NOTCH1: variants seen among roughly 807,000 people sequenced by gnomAD.
NOTCH1 encodes the protein notch receptor 1, also known as neurogenic locus notch homolog protein 1.
Under a neutral mutation model 254.8 loss-of-function variants are expected in NOTCH1, and 37 were observed. That is an observed-to-expected ratio of 0.15 (90% confidence interval 0.11 to 0.19). NOTCH1 has a LOEUF of 0.19. Among genes scored for constraint, NOTCH1 ranks in the 10% least tolerant of loss-of-function variants. NOTCH1 has a pLI of 1.00. For missense variants in NOTCH1, 2,972 were observed against 3,708.6 expected (o/e 0.80, Z 5.16); for synonymous variants, 1,731 against 1,618.1 (o/e 1.07, Z -1.68).
At chr9:136,523,681 G>A in intron 3 of NOTCH1, 36 bp downstream of exon 3, 2 of 1,576,232 alleles carry the variant, frequency 1.3e-6, no homozygotes, top group Non-Finnish European at 8.6e-7. Flanking sequence ...GCGGGCCTGG[G>A]TCTGCCCACC....
rs897844375 is a variant in NOTCH1 at position 136,515,189 on chromosome 9, C to G, written c.2014+101G>C. 8 of 1,111,646 alleles carry G rather than the reference C, an allele frequency of 7.2e-6. No individual in the cohort carries two copies. The African/African-American group carries it at 1.2e-4, about 17-fold the overall frequency. The allele number at this position is 1,111,646 out of a possible 1,614,324, so 68.9% of individuals were successfully genotyped here. A position where few individuals can be genotyped will look rare whatever the true frequency, so the allele number is the denominator to read the frequency against. ...GACCACGGTCTGCCCAGGTGGGCAG[C>G]ACCAAAGCCCTCACCCAACCCCTCA... On this transcript the variant is annotated intron_variant, in intron 12 of 33. Transcript: ENST00000651671.
Position 136,545,818 on chromosome 9 carries a change from C to A in NOTCH1, c.-32G>T. On this transcript the variant is annotated 5_prime_UTR_variant, in exon 1 of 34. Transcript: ENST00000651671. This position sits in a 1 kb window ranked among gnomAD's most constrained non-coding sequence, Gnocchi z 6.8. ...CCACCGGCTGCCCTCTGCGCCCGGG[C>A]GGCGGCCTCCTGCGCTGGCCGGCGG... 1.6e-6 allele frequency: 2 copies of A among 1,214,968 alleles called. No individual in the cohort carries two copies. Among genetic ancestry groups the A allele is most frequent in the Non-Finnish European group, 2.1e-6 (2 of 969,844 alleles). 75.3% of individuals were successfully genotyped at this position (1,214,968 alleles called of 1,614,324 possible).
intron 27 of NOTCH1, 105 bp from the exon 28 acceptor site, chr9:136,502,593 C>A: frequency 1.6e-6 from 1 of 634,406 alleles, no homozygotes. Flanking sequence ...CGGGCGCCTC[C>A]TCACCCACTC....
At position 136,495,317 on chromosome 9, in the gene NOTCH1, G is replaced by C. The variant is rs148391832; in HGVS notation, c.*754C>G. On this transcript the variant is annotated 3_prime_UTR_variant, in exon 34 of 34. Coordinates refer to ENST00000651671, the MANE Select transcript of NOTCH1 (RefSeq NM_017617.5). Reference sequence around the variant, plus strand: ...GGGACCAAGAACTTGTATAACCAACGAACAACTACATAATACTGAACCTGA... The same window carrying C: ...GGGACCAAGAACTTGTATAACCAACCAACAACTACATAATACTGAACCTGA... 7.0e-5 allele frequency: 28 copies of C among 398,870 alleles called. No homozygotes were observed. In the East Asian group the frequency reaches 7.8e-4, roughly 11 times the overall value. The allele number at this position is 398,870 out of a possible 1,614,324, so 24.7% of individuals were successfully genotyped here.
At chr9:136,524,027 C>A (rs923150689) in intron 2 of NOTCH1, 48 bp from the exon 3 acceptor site, 4 of 1,530,906 alleles carry the variant, frequency 2.6e-6, no homozygotes, top group African/African-American at 2.7e-5. Context: ...GCTTCCCCAG[C>A]GCCCCCGCCA....
chr9:136,522,012 CT>C (rs1471707423), intron 4 of NOTCH1, among the ~76,000 whole-genome samples: 1 of 148,260 alleles, frequency 6.7e-6, no homozygotes, highest in Admixed American at 6.7e-5. Flanking sequence ...GAGTCTCGCT[CT>C]GTCGCCCAGG....
intron 3 of NOTCH1, 59 bp from the exon 4 acceptor site, chr9:136,523,247 T>A: frequency 6.6e-7 from 1 of 1,518,664 alleles, no homozygotes; most frequent in Non-Finnish European, 8.9e-7. Flanking sequence ...GGCCGGGCCT[T>A]CCCTCCCTTC....
intron 9 of NOTCH1, among the ~76,000 whole-genome samples, chr9:136,516,904 T>C (rs1171654994): frequency 2.0e-5 from 3 of 151,576 alleles, no homozygotes; most frequent in Non-Finnish European, 2.9e-5. Context: ...ACACAACCAA[T>C]GGCCAGGCCC....
chr9:136,505,948 C>A, intron 24 of NOTCH1, 67 bp from the exon 25 acceptor site: 1 of 1,433,866 alleles, frequency 7.0e-7, no homozygotes, highest in South Asian at 1.3e-5. Context: ...CACCTCACAC[C>A]CAGCCCTCGG....
chr9:136,501,844 G>A lies in NOTCH1; in HGVS notation c.5542C>T (p.Leu1848=), dbSNP rs35652719. 2.5e-6 allele frequency: 4 copies of A among 1,612,748 alleles called. No individual in the cohort carries two copies. Among genetic ancestry groups the A allele is most frequent in the Non-Finnish European group, 3.4e-6 (4 of 1,179,974 alleles). ...TDHRQWTQQH[L]DAADLRMSAM... is the part of the protein sequence containing the mutation. ...GACATGCGCAGGTCAGCGGCATCCA[G>A]GTGCTGCTGAGTCCACTGCCGGTGG... Residue 1848 remains leucine, a synonymous_variant, in exon 30 of 34, where the codon CTG becomes TTG. Coordinates refer to ENST00000651671, the MANE Select transcript of NOTCH1 (RefSeq NM_017617.5).
At chr9:136,527,635 C>T (rs916092088) in intron 2 of NOTCH1, among the ~76,000 whole-genome samples, 5 of 152,206 alleles carry the variant, frequency 3.3e-5, no homozygotes, top group Non-Finnish European at 2.9e-5. Context: ...GTCCACCAAG[C>T]CACCCAGCTC....
intron 2 of NOTCH1, among the ~76,000 whole-genome samples, chr9:136,536,526 C>T (rs1006620324): frequency 7.2e-5 from 11 of 152,304 alleles, no homozygotes; most frequent in Non-Finnish European, 2.9e-5. Flanking sequence ...GGCTGAGATG[C>T]CTGCCCGCCC....
rs371071658 is a variant in NOTCH1, at chr9:136,501,829, G to A, written c.5557C>T (p.Leu1853=). ...WTQQHLDAAD[L]RMSAMAPTPP... is the part of the protein sequence containing the mutation. Reference sequence around the variant, plus strand: ...GTGGGGGCCATGGCAGACATGCGCAGGTCAGCGGCATCCAGGTGCTGCTGA... The same window carrying A: ...GTGGGGGCCATGGCAGACATGCGCAAGTCAGCGGCATCCAGGTGCTGCTGA... The change falls in exon 30 of 34, where the codon CTG becomes TTG. Residue 1853 remains leucine (L), a synonymous_variant. Coordinates refer to ENST00000651671, the MANE Select transcript of NOTCH1 (RefSeq NM_017617.5). The A allele has an allele frequency of 1.2e-6, 2 of 1,612,642 alleles. No homozygotes were observed. The highest frequency in any genetic ancestry group is 1.7e-6 in the Non-Finnish European group (2 of 1,179,964).
chr9:136,496,417 G>A lies in NOTCH1; in HGVS notation c.7322C>T (p.Ala2441Val). The change falls in exon 34 of 34, where the codon GCA becomes GTA. Residue 2441 changes from alanine (A) to valine (V), a missense_variant. Transcript: ENST00000651671. ...GCTGGGGCCCAGTGGCTGCACGTCT[G>A]CCTGGCTCGGCTCTCCACTCAGGAA... ...RSFLSGEPSQ[A>V]DVQPLGPSSL... 1.3e-6 allele frequency: 2 copies of A among 1,599,458 alleles called. No homozygotes were observed. Among genetic ancestry groups the A allele is most frequent in the Non-Finnish European group, 1.7e-6 (2 of 1,179,568 alleles).
At chr9:136,527,050 C>G (rs890071153) in intron 2 of NOTCH1, among the ~76,000 whole-genome samples, 11 of 152,228 alleles carry the variant, frequency 7.2e-5, no homozygotes, top group African/African-American at 2.7e-4. Flanking sequence ...CTGGGGGGAA[C>G]CGGGCCGAGC....
chr9:136,499,920 G>C (rs867900779), intron 31 of NOTCH1, among the ~76,000 whole-genome samples: 1 of 152,214 alleles, frequency 6.6e-6, no homozygotes, highest in East Asian at 1.9e-4. Flanking sequence ...CCTGAGCTAA[G>C]AAATCAGGAA....
chr9:136,530,817 C>A (rs1368078263), intron 2 of NOTCH1, among the ~76,000 whole-genome samples: 2 of 152,156 alleles, frequency 1.3e-5, no homozygotes, highest in African/African-American at 2.4e-5. Flanking sequence ...AGCCCTGCAC[C>A]CCACGATGGC....
rs2133361402 is a variant in NOTCH1, at chr9:136,514,722, G to A, written c.2015-20C>T. The A allele has an allele frequency of 6.2e-7, 1 of 1,609,406 alleles. No homozygotes were observed. Among genetic ancestry groups the A allele is most frequent in the Non-Finnish European group, 8.5e-7 (1 of 1,178,500 alleles). ...TGCTCCCTAAGGGCAGGGCGGGTCA[G>A]ACTCCGAGGCCCAGCGCCCAGGGGG... On this transcript the variant is annotated intron_variant, in intron 12 of 33. Coordinates refer to ENST00000651671, the MANE Select transcript of NOTCH1 (RefSeq NM_017617.5).
chr9:136,544,158 G>T (rs917958019), intron 1 of NOTCH1, 56 bp from the exon 2 acceptor site: 28 of 1,497,792 alleles, frequency 1.9e-5, no homozygotes, highest in Non-Finnish European at 2.5e-5. Flanking sequence ...ACCACCGAAG[G>T]CCCTGGTTAC....
Sources: allele counts gnomAD v4.1 joint callset (sites outside exome capture counted in the v4.1 genomes callset), GRCh38; gene constraint gnomAD v4.1.1; non-coding constraint Gnocchi (gnomAD v3.1); transcripts MANE v1.5; gene names NCBI Gene and HGNC (gene_info 2026-07-23, HGNC 2026-07-21).